The following KIF17 variants were observed in gnomAD, a reference collection of about 807,000 sequenced individuals.
KIF17 encodes kinesin-like protein KIF17.
KIF17 carries 80 observed loss-of-function variants against 96.8 expected under a neutral mutation model. That is an observed-to-expected ratio of 0.83 (90% CI 0.69 to 1.00). The LOEUF is 1.00. Among genes scored for constraint, KIF17 ranks in the 50% least tolerant of loss-of-function variants. The pLI is 0.00. For missense variants in KIF17, 1,280 were observed against 1,372.9 expected (o/e 0.93, Z 1.07); for synonymous variants, 567 against 587.5 (o/e 0.97, Z 0.51).
At chr1:20,677,206 G>A (rs1036573687) in intron 11 of KIF17, among the ~76,000 whole-genome samples, 14 of 152,184 alleles carry the variant, frequency 9.2e-5, no homozygotes, top group African/African-American at 1.4e-4. Flanking sequence ...GTGAGACCTC[G>A]TCTCAATAAA....
chr1:20,666,376 C>T (rs1428158260), intron 13 of KIF17, 45 bp from the exon 14 acceptor site: 2 of 1,484,666 alleles, frequency 1.3e-6, no homozygotes, highest in Admixed American at 3.3e-5. Context: ...TTGTTTGTGC[C>T]CCTGGCACAG....
In KIF17 at chr1:20,717,791, A is replaced by C. The variant is rs2054609889; in HGVS notation, c.-85T>G. 1 of 1,352,656 alleles carries C rather than the reference A, an allele frequency of 7.4e-7. No homozygotes were observed. Among genetic ancestry groups the C allele is most frequent in the African/African-American group, 1.6e-5 (1 of 64,398 alleles). The allele number at this position is 1,352,656 out of a possible 1,614,324, so 83.8% of individuals were successfully genotyped here. ...GCAGCCCGGGCCAAGGGGCGGGGCC[A>C]GCGCCGGCCACGGGGGGCGGGGCCT... On this transcript the variant is annotated 5_prime_UTR_variant, in exon 1 of 15. Coordinates refer to ENST00000400463, the MANE Select transcript of KIF17 (RefSeq NM_001122819.3).
intron 3 of KIF17, among the ~76,000 whole-genome samples, chr1:20,712,416 TG>T (rs1178956629): frequency 6.0e-5 from 9 of 150,600 alleles, no homozygotes; most frequent in Non-Finnish European, 8.8e-5. Flanking sequence ...ACCAAGTGGC[TG>T]GGTGCATGTG....
rs375307039 is a variant in KIF17, at chr1:20,706,304, C to A, written c.671-1405G>T. ...GCTGGTTCTTTAGGCTATTAAAAAA[C>A]AACAGGCTGGGTGCGGTGGCTCATG... On this transcript the variant is annotated intron_variant, in intron 4 of 14. Transcript: ENST00000400463. Among the ~76,000 whole-genome samples, 881 of 151,900 alleles carry A rather than the reference C, an allele frequency of 5.8e-3. 7 individuals carry two copies. Among genetic ancestry groups the A allele is most frequent in the African/African-American group, 0.02 (839 of 41,476 alleles).
At chr1:20,695,048 A>G (rs583809) in intron 6 of KIF17, among the ~76,000 whole-genome samples, 33,914 of 152,100 alleles carry the variant, frequency 0.22, 3,885 homozygotes, top group African/African-American at 0.27. Flanking sequence ...ACACATGTGC[A>G]CACATGCATA....
chr1:20,668,622 T>C (rs1384704968), intron 13 of KIF17, among the ~76,000 whole-genome samples: 3 of 152,216 alleles, frequency 2.0e-5, no homozygotes, highest in Non-Finnish European at 4.4e-5. Context: ...TTGGAATTCA[T>C]TAGCCTAGGA....
At position 20,690,352 on chromosome 1, in the gene KIF17, G is replaced by GGGGGGGGCCCCC; in HGVS notation, c.1234-18_1234-17insGGGGGCCCCCCC. On this transcript the variant is annotated splice_polypyrimidine_tract_variant and intron_variant, in intron 6 of 14. Transcript: ENST00000400463. The stretch of plus-strand genomic sequence containing the variant: ...TTCATACTCCTGGGGGGGTGGGAGG[G>GGGGGGGGCCCCC]ACCAGAGGGCAGGCAGCATTTTATC... 2.2e-6 allele frequency: 1 copy of GGGGGGGGCCCCC among 451,144 alleles called. No individual in the cohort carries two copies. Among genetic ancestry groups the GGGGGGGGCCCCC allele is most frequent in the Non-Finnish European group, 4.3e-6 (1 of 235,130 alleles). 27.9% of individuals were successfully genotyped at this position (451,144 alleles called of 1,614,324 possible). A position where few individuals can be genotyped will look rare whatever the true frequency, so the allele number is the denominator to read the frequency against.
chr1:20,704,266 T>G lies in KIF17; in HGVS notation c.1123+181A>C, dbSNP rs1164195925. Reference sequence around the variant, plus strand: ...ACGGACTGCCCTCCTCCCAGGACACTGACAAGCAGATACCATCTGGGCCGT... The same window carrying G: ...ACGGACTGCCCTCCTCCCAGGACACGGACAAGCAGATACCATCTGGGCCGT... On this transcript the variant is annotated intron_variant, in intron 5 of 14. Transcript: ENST00000400463. This position sits in a 1 kb window ranked among gnomAD's most constrained non-coding sequence, Gnocchi z 6.8. Among the ~76,000 whole-genome samples, 1 of 151,958 alleles carries G rather than the reference T, an allele frequency of 6.6e-6. No homozygotes were observed. The highest frequency in any genetic ancestry group is 1.9e-4 in the East Asian group (1 of 5,172).
Position 20,685,421 on chromosome 1 carries a change from T to G in KIF17, c.2020-401A>C. On this transcript the variant is annotated intron_variant, in intron 9 of 14. Coordinates refer to ENST00000400463, the MANE Select transcript of KIF17 (RefSeq NM_001122819.3). This position sits in a 1 kb window ranked among gnomAD's most constrained non-coding sequence, Gnocchi z 4.1. ...GCCTCCCCCGCCACCGTGGCCTCCT[T>G]TTCCATTGCTAAGAAAGTCAAGGTC... 2.6e-6 allele frequency: 1 copy of G among 387,656 alleles called. No homozygotes were observed. The highest frequency in any genetic ancestry group is 2.1e-5 in the African/African-American group (1 of 47,986). The allele number at this position is 387,656 out of a possible 1,614,324, so 24.0% of individuals were successfully genotyped here. A position where few individuals can be genotyped will look rare whatever the true frequency, so the allele number is the denominator to read the frequency against.
intron 6 of KIF17, among the ~76,000 whole-genome samples, chr1:20,694,179 C>A (rs1369870973): frequency 6.6e-6 from 1 of 151,840 alleles, no homozygotes; most frequent in Non-Finnish European, 1.5e-5. Flanking sequence ...CTCACTGTAA[C>A]CTCCACCTCC....
chr1:20,712,594 C>A (rs185614999), intron 3 of KIF17, among the ~76,000 whole-genome samples: 233 of 15,622 alleles, frequency 0.015, 39 homozygotes, highest in African/African-American at 0.021. Flanking sequence ...ATATATATAT[C>A]TATATATATC....
intron 1 of KIF17, 117 bp downstream of exon 1, chr1:20,717,359 C>A (rs1320059680): frequency 2.0e-5 from 23 of 1,159,000 alleles, no homozygotes; most frequent in Non-Finnish European, 2.7e-5. Flanking sequence ...CTGTTCCCGT[C>A]CGCCTGCGCC....
chr1:20,717,775 G>T lies in KIF17; in HGVS notation c.-69C>A. ...CCGCCGGGGACTCCCAGCAGCCCGG[G>T]CCAAGGGGCGGGGCCAGCGCCGGCC... is the stretch of plus-strand genomic sequence containing the variant. On this transcript the variant is annotated 5_prime_UTR_variant, in exon 1 of 15. Coordinates refer to ENST00000400463, the MANE Select transcript of KIF17 (RefSeq NM_001122819.3). 2.1e-6 allele frequency: 3 copies of T among 1,449,820 alleles called. No homozygotes were observed. The highest frequency in any genetic ancestry group is 2.7e-6 in the Non-Finnish European group (3 of 1,109,598). The allele number at this position is 1,449,820 out of a possible 1,614,324, so 89.8% of individuals were successfully genotyped here.
Position 20,685,909 on chromosome 1 carries a change from C to T in KIF17, c.2019+137G>A. On this transcript the variant is annotated intron_variant, in intron 9 of 14. Transcript: ENST00000400463. The surrounding 1 kb of genome is among the most constrained non-coding windows in gnomAD (Gnocchi z 4.1). The stretch of plus-strand genomic sequence containing the variant: ...CACTGCCTGGCCACGGGCCACAAGC[C>T]CGGGGAAGGCTGGAGTTGTTGTTCT... 1.3e-6 allele frequency: 1 copy of T among 761,958 alleles called. No individual in the cohort carries two copies. Among genetic ancestry groups the T allele is most frequent in the Non-Finnish European group, 2.3e-6 (1 of 441,054 alleles). The allele number at this position is 761,958 out of a possible 1,614,324, so 47.2% of individuals were successfully genotyped here.
Position 20,704,986 on chromosome 1 carries a change from G to A in KIF17, c.671-87C>T. 2 of 1,207,812 alleles carry A rather than the reference G, an allele frequency of 1.7e-6. No individual in the cohort carries two copies. The highest frequency in any genetic ancestry group is 2.4e-6 in the Non-Finnish European group (2 of 833,120). 74.8% of individuals were successfully genotyped at this position (1,207,812 alleles called of 1,614,324 possible). On this transcript the variant is annotated intron_variant, in intron 4 of 14. Coordinates refer to ENST00000400463, the MANE Select transcript of KIF17 (RefSeq NM_001122819.3). This position sits in a 1 kb window ranked among gnomAD's most constrained non-coding sequence, Gnocchi z 6.8. The stretch of plus-strand genomic sequence containing the variant: ...CAGTGCCAGGCACTGGGTGCTCAAT[G>A]CCCACCCACCGAGGGTTCCCCTCAG...
At chr1:20,662,766 C>CCTT (rs1221868387), downstream of KIF17, among the ~76,000 whole-genome samples, 3 of 152,186 alleles carry the variant, frequency 2.0e-5, no homozygotes, top group Non-Finnish European at 4.4e-5. Context: ...AATGGCCCAG[C>CCTT]CTTTAACACC....
At chr1:20,698,551 G>T (rs1029804160) in intron 5 of KIF17, 63 bp from the exon 6 acceptor site, 1 of 1,111,618 alleles carries the variant, frequency 9.0e-7, no homozygotes, top group Non-Finnish European at 1.4e-6. Flanking sequence ...GAACTAAGCA[G>T]AAATCTATAA....
Position 20,684,873 on chromosome 1 carries a change from T to C in KIF17, c.2167A>G (p.Met723Val), listed in dbSNP as rs2053907056. The change falls in exon 10 of 15, where the codon ATG becomes GTG. Residue 723 changes from methionine to valine, a missense_variant. Met to Val is a conservative substitution (Grantham distance 21). Coordinates refer to ENST00000400463, the MANE Select transcript of KIF17 (RefSeq NM_001122819.3). Reference sequence around the variant, plus strand: ...TCATCAGTCAGCACTGCCACCTCCATGCCCACGCTCTCCCTCTTCACACCA... The same window carrying C: ...TCATCAGTCAGCACTGCCACCTCCACGCCCACGCTCTCCCTCTTCACACCA... ...TAGVKRESVG[M>V]EVAVLTDDPL... The C allele has an allele frequency of 4.4e-6, 7 of 1,598,308 alleles. No individual in the cohort carries two copies. The highest frequency in any genetic ancestry group is 6.0e-6 in the Non-Finnish European group (7 of 1,172,684).
At chr1:20,714,581 G>A (rs78741112) in intron 2 of KIF17, among the ~76,000 whole-genome samples, 7,781 of 152,142 alleles carry the variant, frequency 0.051, 225 homozygotes, top group Middle Eastern at 0.071. Context: ...TGAATCACCT[G>A]AGACCAGGAG....
Sources: gnomAD v4.1 joint callset for allele counts (sites outside exome capture counted in the v4.1 genomes callset) on GRCh38, gnomAD v4.1.1 for gene constraint, Gnocchi (gnomAD v3.1) non-coding constraint, MANE v1.5 for transcripts, NCBI Gene and HGNC (gene_info 2026-07-23, HGNC 2026-07-21) for gene names.